TET2: variants seen among roughly 807,000 people sequenced by gnomAD.
TET2 encodes the protein tet methylcytosine dioxygenase 2, also known as methylcytosine dioxygenase TET2.
A neutral mutation model predicts 142.9 loss-of-function variants in TET2; 299 were observed. That is an observed-to-expected ratio of 2.09 (90% CI 1.90 to 2.30). The LOEUF is 2.30. TET2 is among the 30% of genes most tolerant of loss of function. The pLI, the probability that TET2 is intolerant of heterozygous loss-of-function variation, is 0.00. For missense variants in TET2, 2,418 were observed against 2,378.0 expected (o/e 1.02, Z -0.35); for synonymous variants, 819 against 849.0 (o/e 0.96, Z 0.61).
intron 2 of TET2, among the ~76,000 whole-genome samples, chr4:105,214,860 T>C (rs548121583): frequency 6.6e-6 from 1 of 152,138 alleles, no homozygotes; most frequent in African/African-American, 2.4e-5. Flanking sequence ...CCAGCAAATA[T>C]AAGTAAGTGT....
chr4:105,243,461 T>G (rs1729411484), intron 5 of TET2, 109 bp from the exon 6 acceptor site: 5 of 998,534 alleles, frequency 5.0e-6, no homozygotes, highest in Non-Finnish European at 6.1e-6. Context: ...AATTGTGATC[T>G]AAACATGATA....
intron 3 of TET2, chr4:105,240,787 C>G: frequency 2.8e-6 from 3 of 1,079,536 alleles, no homozygotes; most frequent in Non-Finnish European, 3.4e-6. Flanking sequence ...ATAAATTGTT[C>G]TAAAGTACAT....
At chr4:105,255,322 A>T (rs1185309449) in intron 6 of TET2, among the ~76,000 whole-genome samples, 1 of 152,140 alleles carries the variant, frequency 6.6e-6, no homozygotes, top group Admixed American at 6.5e-5. Flanking sequence ...CTTGTTATTC[A>T]TGTATAATTT....
At position 105,190,406 on chromosome 4, in the gene TET2, C is replaced by T; in HGVS notation, c.-146C>T. ...CACCCTCTCAAGATTGTTTACTTGC[C>T]TTTGCTCCTGTTGAGTTACAACGCT... On this transcript the variant is annotated 5_prime_UTR_variant, in exon 2 of 11. Transcript: ENST00000380013. 1 of 696,436 alleles carries T rather than the reference C, an allele frequency of 1.4e-6. No homozygotes were observed. Among genetic ancestry groups the T allele is most frequent in the South Asian group, 1.5e-5 (1 of 66,528 alleles). 43.1% of individuals were successfully genotyped at this position (696,436 alleles called of 1,614,324 possible).
At chr4:105,161,959 A>G (rs1723881858) in intron 1 of TET2, among the ~76,000 whole-genome samples, 2 of 152,202 alleles carry the variant, frequency 1.3e-5, no homozygotes, top group Admixed American at 6.5e-5. Flanking sequence ...AACTTTTCAT[A>G]TTTAAGCTGA....
chr4:105,155,929 G>C (rs894607539), intron 1 of TET2, among the ~76,000 whole-genome samples: 1 of 152,164 alleles, frequency 6.6e-6, no homozygotes, highest in African/African-American at 2.4e-5. Context: ...GCTCATGTTA[G>C]ACCCATTAAG....
chr4:105,199,310 G>A (rs1466459299), intron 2 of TET2, among the ~76,000 whole-genome samples: 1 of 152,116 alleles, frequency 6.6e-6, no homozygotes, highest in Non-Finnish European at 1.5e-5. Context: ...TTGATAGTAA[G>A]AGCGTACGAT....
intron 8 of TET2, among the ~76,000 whole-genome samples, chr4:105,265,956 G>A (rs1035774178): frequency 3.9e-5 from 6 of 152,156 alleles, no homozygotes; most frequent in African/African-American, 1.4e-4. Flanking sequence ...TCAAAATTTG[G>A]AGAGGCCAAG....
intron 6 of TET2, among the ~76,000 whole-genome samples, chr4:105,259,231 G>A (rs890638176): frequency 2.0e-5 from 3 of 151,990 alleles, no homozygotes; most frequent in African/African-American, 4.8e-5. Flanking sequence ...AAAAAAGAAA[G>A]CATTATTAAC....
rs759127627 is a variant in TET2 at position 105,241,226 on chromosome 4, TAA to T, written c.3410-111_3410-110del. On this transcript the variant is annotated intron_variant, in intron 3 of 10. Transcript: ENST00000380013. ...ACTCATTTTAAAGAAAAAAAAATTT[TAA>T]AGTCACTTTTAGAGCCCTTAATGTG... The T allele has an allele frequency of 3.2e-5, 43 of 1,346,628 alleles. 1 individual carries two copies. Among genetic ancestry groups the T allele is most frequent in the Non-Finnish European group, 4.1e-5 (43 of 1,041,276 alleles). 83.4% of individuals were successfully genotyped at this position (1,346,628 alleles called of 1,614,324 possible).
chr4:105,233,153 G>A (rs1014628864), intron 2 of TET2, among the ~76,000 whole-genome samples: 2 of 152,042 alleles, frequency 1.3e-5, no homozygotes, highest in Admixed American at 6.6e-5. Context: ...GGAGGCCAAG[G>A]CAGGCAGATC....
intron 3 of TET2, chr4:105,237,700 ATC>A: frequency 7.7e-7 from 1 of 1,300,066 alleles, no homozygotes; most frequent in South Asian, 1.8e-5. Context: ...CAAAAAAACA[ATC>A]TATTAAAATG....
intron 4 of TET2, chr4:105,241,761 CCTGAT>C: frequency 4.0e-6 from 5 of 1,252,760 alleles, no homozygotes; most frequent in Non-Finnish European, 5.0e-6. Context: ...GGCTTTCCCA[CCTGAT>C]AATAAAGTGT....
In TET2 at chr4:105,233,964, C is replaced by T. The variant is rs147112198; in HGVS notation, c.22C>T (p.His8Tyr). 3.1e-6 allele frequency: 5 copies of T among 1,613,912 alleles called. No homozygotes were observed. The highest frequency in any genetic ancestry group is 4.2e-6 in the Non-Finnish European group (5 of 1,179,950). Residue 8 changes from histidine to tyrosine, a missense_variant, in exon 3 of 11, where the codon CAT (histidine) becomes TAT (tyrosine). By Grantham distance (83) the His-to-Tyr change is moderately conservative. Coordinates refer to ENST00000380013, the MANE Select transcript of TET2 (RefSeq NM_001127208.3). MEQDRTN[H>Y]VEGNRLSPFL... ...CCTGATGGAACAGGATAGAACCAAC[C>T]ATGTTGAGGGCAACAGACTAAGTCC... is the stretch of plus-strand genomic sequence containing the variant.
Position 105,163,854 on chromosome 4 carries a change from A to AGAGAGAGAGTGTGT in TET2, c.-193+16876_-193+16877insAGAGAGAGTGTGTG, listed in dbSNP as rs1553942671. 1.5e-3 allele frequency among the ~76,000 whole-genome samples: 127 copies of AGAGAGAGAGTGTGT among 85,190 alleles called. 1 individual carries two copies. The highest frequency in any genetic ancestry group is 2.0e-3 in the Non-Finnish European group (83 of 41,572). The allele number at this position is 85,190 out of a possible 152,430, so 55.9% of individuals were successfully genotyped here. ...GAGAGAGAGAGAGAGAGAGAGAGAGAGTGTGTGTGTGTGTGTGTGTGTGTG... is the reference window on the plus strand; with the variant it reads ...GAGAGAGAGAGAGAGAGAGAGAGAGAGAGAGAGAGTGTGTGTGTGTGTGTGTGTGTGTGTGTGTG... On this transcript the variant is annotated intron_variant, in intron 1 of 10. Transcript: ENST00000380013.
chr4:105,261,839 T>C lies in TET2; in HGVS notation c.4035T>C (p.Tyr1345=). The C allele has an allele frequency of 1.9e-6, 3 of 1,543,352 alleles. No individual in the cohort carries two copies. Among genetic ancestry groups the C allele is most frequent in the Non-Finnish European group, 1.8e-6 (2 of 1,140,732 alleles). Residue 1345 remains tyrosine (Y), a synonymous_variant, in exon 8 of 11, where the codon TAT becomes TAC. Transcript: ENST00000380013. ...PTYKKLAPDA[Y]NNQIEYEHRA... ...ATAAGAAACTTGCACCTGATGCATA[T>C]AATAATCAGGTAAGTTTAAATAATC...
At chr4:105,240,275 A>T in intron 3 of TET2, 1 of 940,902 alleles carries the variant, frequency 1.1e-6, no homozygotes, top group South Asian at 5.2e-5. Context: ...AGTCACAGTA[A>T]CTGTGACTCA....
At position 105,275,258 on chromosome 4, in the gene TET2, C is replaced by G. The variant is rs1236049619; in HGVS notation, c.4748C>G (p.Ser1583Ter). Residue 1583 changes from serine (S) to a stop codon, truncating the protein, a stop_gained, in exon 11 of 11, where the codon TCA becomes TGA. Coordinates refer to ENST00000380013, the MANE Select transcript of TET2 (RefSeq NM_001127208.3). LOFTEE classifies it low-confidence loss of function (END_TRUNC). ...CCAGTTAGTCCTTATCCAAACTCTT[C>G]ACACACTTCAGATATCTATGGAAGC... ...PNPVSPYPNSSHTSDIYGSTS... is the reference protein window; with the variant it reads ...PNPVSPYPNS 1 of 1,552,336 alleles carries G rather than the reference C, an allele frequency of 6.4e-7. No homozygotes were observed. The highest frequency in any genetic ancestry group is 8.7e-7 in the Non-Finnish European group (1 of 1,147,122).
In TET2 at chr4:105,236,061, G is replaced by T. The variant is rs769871345; in HGVS notation, c.2119G>T (p.Ala707Ser). ...GTTGAAACAGCACTTGAATCAACAG[G>T]CTTCAGAGACTGAGCCATTTTCAAA... ...PVLKQHLNQQ[A>S]SETEPFSNSH... Residue 707 changes from alanine to serine, a missense_variant, in exon 3 of 11, where the codon GCT (alanine) becomes TCT (serine). Coordinates refer to ENST00000380013, the MANE Select transcript of TET2 (RefSeq NM_001127208.3). 10 of 1,614,084 alleles carry T rather than the reference G, an allele frequency of 6.2e-6. No homozygotes were observed. The South Asian group carries it at 9.9e-5, about 16-fold the overall frequency.
Sources: allele counts gnomAD v4.1 joint callset (sites outside exome capture counted in the v4.1 genomes callset), GRCh38; gene constraint gnomAD v4.1.1; transcripts MANE v1.5; gene names NCBI Gene and HGNC (gene_info 2026-07-23, HGNC 2026-07-21).